CUL4A: variants seen among roughly 807,000 people sequenced by gnomAD.
CUL4A encodes the protein cullin 4A.
Under a neutral mutation model 95.5 loss-of-function variants are expected in CUL4A, and 16 were observed. The ratio of observed to expected loss-of-function variants is 0.17; its 90% CI spans 0.11 to 0.25. CUL4A has a LOEUF of 0.25. Among genes scored for constraint, CUL4A ranks in the 10% least tolerant of loss-of-function variants. The pLI, the probability that CUL4A is intolerant of heterozygous loss-of-function variation, is 1.00. For missense variants in CUL4A, 610 were observed against 937.0 expected (o/e 0.65, Z 4.56); for synonymous variants, 380 against 353.1 (o/e 1.08, Z -0.85).
intron 18 of CUL4A, among the ~76,000 whole-genome samples, chr13:113,259,406 A>G (rs2139303126): frequency 6.6e-6 from 1 of 152,290 alleles, no homozygotes; most frequent in Admixed American, 6.5e-5. Context: ...ACCTTCCCCC[A>G]GCCCTCATTT....
At chr13:113,260,009 G>C (rs543616324) in intron 18 of CUL4A, among the ~76,000 whole-genome samples, 1 of 149,482 alleles carries the variant, frequency 6.7e-6, no homozygotes, top group East Asian at 2.0e-4. Context: ...ATCGAGACCA[G>C]CCTGGCTAAC....
intron 3 of CUL4A, among the ~76,000 whole-genome samples, chr13:113,223,809 A>T (rs899997859): frequency 6.6e-6 from 1 of 152,232 alleles, no homozygotes; most frequent in African/African-American, 2.4e-5. Context: ...GAATTGAGTC[A>T]TTCACTACCA....
rs374602605 is a variant in CUL4A at position 113,254,681 on chromosome 13, C to T, written c.1753-12C>T. 213 of 1,561,662 alleles carry T rather than the reference C, an allele frequency of 1.4e-4. No homozygotes were observed. Among genetic ancestry groups the T allele is most frequent in the Admixed American group, 3.7e-4 (21 of 56,614 alleles). Reference sequence around the variant, plus strand: ...CACAGCTTCAGAGGTGTGATGAGGCCTTCTCTTCCAGGGGAAGAAGGAATT... The same window carrying T: ...CACAGCTTCAGAGGTGTGATGAGGCTTTCTCTTCCAGGGGAAGAAGGAATT... On this transcript the variant is annotated splice_polypyrimidine_tract_variant and intron_variant, in intron 16 of 19. Transcript: ENST00000375440.
intron 9 of CUL4A, among the ~76,000 whole-genome samples, chr13:113,237,238 C>T (rs2041574501): frequency 6.6e-6 from 1 of 152,204 alleles, no homozygotes; most frequent in Non-Finnish European, 1.5e-5. Flanking sequence ...TTCATGCACA[C>T]TCGGATGTAG....
At chr13:113,220,309 G>T (rs1477312483) in intron 3 of CUL4A, among the ~76,000 whole-genome samples, 1 of 152,252 alleles carries the variant, frequency 6.6e-6, no homozygotes, top group Non-Finnish European at 1.5e-5. Context: ...CAGCTCTGTT[G>T]TGCTGGCTTC....
intron 8 of CUL4A, 133 bp downstream of exon 8, chr13:113,235,278 TAC>T: frequency 1.6e-6 from 1 of 614,216 alleles, no homozygotes; most frequent in Non-Finnish European, 2.8e-6. Context: ...TAGCATATTT[TAC>T]TTTGTTATTT....
In CUL4A at chr13:113,209,674, G is replaced by A; in HGVS notation, c.47G>A (p.Gly16Asp). The change falls in exon 1 of 20, where the codon GGC becomes GAC. Residue 16 changes from glycine (G) to aspartate (D), a missense_variant. Gly to Asp is a moderately conservative substitution (Grantham distance 94, BLOSUM62 -1). This residue lies in a region of CUL4A where 168 missense variants were observed against 185.5 expected (regional missense o/e 0.91). Transcript: ENST00000375440. ...AAGGGCAGCTTCTCGGCGCTCGTGG[G>A]CCGCACCAACGGCCTCACCAAGCCC... ...PRKGSFSALV[G>D]RTNGLTKPAA... The A allele has an allele frequency of 2.6e-6, 3 of 1,142,062 alleles. No homozygotes were observed. Among genetic ancestry groups the A allele is most frequent in the Non-Finnish European group, 3.2e-6 (3 of 931,274 alleles). The allele number at this position is 1,142,062 out of a possible 1,614,324, so 70.7% of individuals were successfully genotyped here.
intron 14 of CUL4A, 39 bp downstream of exon 14, chr13:113,245,276 G>GT: frequency 6.4e-7 from 1 of 1,564,610 alleles, no homozygotes; most frequent in African/African-American, 1.3e-5. Flanking sequence ...TTTTTAAAAA[G>GT]TATCTGTTAG....
At chr13:113,236,502 G>A (rs1042948273) in intron 8 of CUL4A, among the ~76,000 whole-genome samples, 1 of 152,174 alleles carries the variant, frequency 6.6e-6, no homozygotes, top group Admixed American at 6.6e-5. Flanking sequence ...GCATTAAAAC[G>A]TTCCTTATAA....
chr13:113,235,929 C>T (rs1317831638), intron 8 of CUL4A, among the ~76,000 whole-genome samples: 3 of 151,256 alleles, frequency 2.0e-5, no homozygotes, highest in South Asian at 4.2e-4. Context: ...CGAGATCACG[C>T]CACTGCACTC....
In CUL4A at chr13:113,244,461, A is replaced by G; in HGVS notation, c.1280A>G (p.Glu427Gly). 1 of 1,613,906 alleles carries G rather than the reference A, an allele frequency of 6.2e-7. No homozygotes were observed. The highest frequency in any genetic ancestry group is 8.5e-7 in the Non-Finnish European group (1 of 1,179,928). Residue 427 changes from glutamate to glycine, a missense_variant, in exon 12 of 20, where the codon GAG becomes GGG. This residue lies in a region of CUL4A where 153 missense variants were observed against 244.5 expected (regional missense o/e 0.63). Transcript: ENST00000375440. Reference sequence around the variant, plus strand: ...GCAGGCAACAAAGAAGCCACAGACGAGGAGCTGGAGCGGACGTTGGACAAG... The same window carrying G: ...GCAGGCAACAAAGAAGCCACAGACGGGGAGCTGGAGCGGACGTTGGACAAG... ...LRAGNKEATD[E>G]ELERTLDKIM...
chr13:113,246,021 C>T lies in CUL4A; in HGVS notation c.1596C>T (p.Tyr532=), dbSNP rs2041848053. The part of the protein sequence containing the change: ...DLTVNILTMG[Y]WPTYTPMEVH... Reference sequence around the variant, plus strand: ...CAGTGAACATACTCACAATGGGCTACTGGCCAACATACACGCCCATGGAAG... The same window carrying T: ...CAGTGAACATACTCACAATGGGCTATTGGCCAACATACACGCCCATGGAAG... Residue 532 remains tyrosine, a synonymous_variant, in exon 15 of 20, where the codon TAC becomes TAT. Transcript: ENST00000375440. 1 of 1,613,970 alleles carries T rather than the reference C, an allele frequency of 6.2e-7. No individual in the cohort carries two copies. The highest frequency in any genetic ancestry group is 1.7e-5 in the Admixed American group (1 of 60,030).
rs747031396 is a variant in CUL4A, at chr13:113,239,563, G to C, written c.1035+12G>C. The C allele has an allele frequency of 1.9e-6, 3 of 1,596,398 alleles. No homozygotes were observed. The African/African-American group carries it at 4.0e-5, about 21-fold the overall frequency. On this transcript the variant is annotated intron_variant, in intron 10 of 19. Coordinates refer to ENST00000375440, the MANE Select transcript of CUL4A (RefSeq NM_001008895.4). ...GCGAGTACATCAAGGTACTGGCGGG[G>C]TTTTGAGGCCGCGGGCGTGGGCATT...
chr13:113,232,008 A>G (rs895542604), intron 5 of CUL4A, among the ~76,000 whole-genome samples: 2 of 85,872 alleles, frequency 2.3e-5, no homozygotes, highest in Non-Finnish European at 5.6e-5. Context: ...CACTGTTACT[A>G]CTGCCACCAC....
intron 18 of CUL4A, 79 bp from the exon 19 acceptor site, chr13:113,260,528 C>A: frequency 7.6e-7 from 1 of 1,311,902 alleles, no homozygotes; most frequent in Non-Finnish European, 1.0e-6. Context: ...CTAGCCCAGG[C>A]AACTGAGTGA....
chr13:113,232,156 TGC>T (rs879397945), intron 5 of CUL4A, among the ~76,000 whole-genome samples: 4,731 of 51,158 alleles, frequency 0.092, 1,708 homozygotes, highest in Admixed American at 0.11. Flanking sequence ...CCATTACTGC[TGC>T]CACCACTACC....
chr13:113,258,658 TC>T (rs1354416923), intron 18 of CUL4A, among the ~76,000 whole-genome samples: 1 of 152,192 alleles, frequency 6.6e-6, no homozygotes, highest in African/African-American at 2.4e-5. Flanking sequence ...AGTCCTTGTT[TC>T]TAGGAGTGTT....
chr13:113,260,957 C>T (rs2139310172), intron 19 of CUL4A, among the ~76,000 whole-genome samples, 198 bp downstream of exon 19: 1 of 152,258 alleles, frequency 6.6e-6, no homozygotes, highest in East Asian at 1.9e-4. Context: ...AATGATAGAG[C>T]CCTAAAACTC....
At chr13:113,251,137 C>CCT (rs1188012481) in intron 15 of CUL4A, among the ~76,000 whole-genome samples, 1 of 152,140 alleles carries the variant, frequency 6.6e-6, no homozygotes, top group African/African-American at 2.4e-5. Context: ...CCTGTGAGCC[C>CCT]CTGTCCGGAG....
Sources: gnomAD v4.1 joint callset for allele counts (sites outside exome capture counted in the v4.1 genomes callset) on GRCh38, gnomAD v4.1.1 for gene constraint, gnomAD v4.1.1 regional missense constraint, MANE v1.5 for transcripts, NCBI Gene and HGNC (gene_info 2026-07-23, HGNC 2026-07-21) for gene names.